SERGEF: variants seen among roughly 807,000 people sequenced by gnomAD.
SERGEF encodes secretion-regulating guanine nucleotide exchange factor.
In SERGEF, 51 loss-of-function variants were observed where a neutral mutation model predicts 50.0. The ratio of observed to expected loss-of-function variants is 1.02; its 90% confidence interval spans 0.81 to 1.29. The LOEUF (loss-of-function observed/expected upper bound fraction) is 1.29. Among genes scored for constraint, SERGEF ranks in the 50% most tolerant of loss-of-function variants. The probability of loss-of-function intolerance (pLI) is 0.00; values close to 1 mark genes in which losing one functional copy is unlikely to be tolerated. For missense variants in SERGEF, 521 were observed against 557.0 expected (o/e 0.94, Z 0.65); for synonymous variants, 205 against 212.4 (o/e 0.97, Z 0.30).
intron 10 of SERGEF, among the ~76,000 whole-genome samples, chr11:17,863,986 G>T (rs1453051639): frequency 2.0e-5 from 3 of 152,196 alleles, no homozygotes; most frequent in Non-Finnish European, 4.4e-5. Flanking sequence ...TTTCCCAGAT[G>T]GGGATTCTAG....
rs756981597 is a variant in SERGEF, at chr11:17,802,034, C to G, written c.1049-13621G>C. On this transcript the variant is annotated intron_variant, in intron 10 of 10. Transcript: ENST00000265965. ...TTTCAGATCATTATAACCACCGACC[C>G]AAGTTCTCCTACTGGTCCCATTGGA... 7.9e-5 allele frequency among the ~76,000 whole-genome samples: 12 copies of G among 152,272 alleles called. No individual in the cohort carries two copies. The East Asian group carries it at 2.3e-3, about 29-fold the overall frequency.
chr11:17,926,352 C>A (rs1432807526), intron 9 of SERGEF, among the ~76,000 whole-genome samples: 1 of 152,076 alleles, frequency 6.6e-6, no homozygotes, highest in East Asian at 1.9e-4. Flanking sequence ...TTACCCTCCA[C>A]AACCACAGAA....
intron 8 of SERGEF, 104 bp downstream of exon 8, chr11:17,988,493 A>T: frequency 2.7e-6 from 3 of 1,091,852 alleles, no homozygotes; most frequent in Non-Finnish European, 3.9e-6. Flanking sequence ...TCTGATCTTT[A>T]AGCTTTCATC....
At chr11:17,987,138 T>C (rs1853617208) in intron 8 of SERGEF, among the ~76,000 whole-genome samples, 1 of 152,232 alleles carries the variant, frequency 6.6e-6, no homozygotes, top group African/African-American at 2.4e-5. Flanking sequence ...ACCTATTTGG[T>C]TGGACACCAG....
Position 17,988,675 on chromosome 11 carries a change from T to C in SERGEF, c.766A>G (p.Lys256Glu), listed in dbSNP as rs1268594303. 1 of 1,614,064 alleles carries C rather than the reference T, an allele frequency of 6.2e-7. No homozygotes were observed. The highest frequency in any genetic ancestry group is 8.5e-7 in the Non-Finnish European group (1 of 1,180,036). Residue 256 changes from lysine to glutamate, a missense_variant, in exon 8 of 11, where the codon AAA (lysine) becomes GAA (glutamate). By Grantham distance (56) the Lys-to-Glu change is moderately conservative (BLOSUM62 1). Coordinates refer to ENST00000265965, the MANE Select transcript of SERGEF (RefSeq NM_012139.4). ...TTCTGGAAACAATGTGCTTCTATTT[T>C]CTGGGGCACAGGAAGGAAAGCAGCC... is the stretch of plus-strand genomic sequence containing the variant. ...NEAAFLPVPQ[K>E]IEAHCFQNEK...
intron 10 of SERGEF, among the ~76,000 whole-genome samples, chr11:17,791,839 A>C (rs1007978583): frequency 2.8e-4 from 42 of 152,360 alleles, no homozygotes; most frequent in African/African-American, 9.4e-4. Flanking sequence ...ATAGTACTAC[A>C]TAAATGTTTG....
At chr11:17,910,906 G>A (rs1851940045) in intron 9 of SERGEF, among the ~76,000 whole-genome samples, 2 of 152,184 alleles carry the variant, frequency 1.3e-5, no homozygotes, top group African/African-American at 4.8e-5. Context: ...TCGTGGCTCA[G>A]GTGGGTAGAC....
chr11:17,898,908 C>T (rs994367467), intron 9 of SERGEF, among the ~76,000 whole-genome samples: 5 of 151,944 alleles, frequency 3.3e-5, no homozygotes, highest in Admixed American at 2.0e-4. Context: ...TAGGCGTGGC[C>T]CTTCATGAAT....
At chr11:17,966,411 T>A (rs1374725209) in intron 8 of SERGEF, among the ~76,000 whole-genome samples, 1 of 152,220 alleles carries the variant, frequency 6.6e-6, no homozygotes, top group East Asian at 1.9e-4. Context: ...CCTTCTGCTT[T>A]AGGCACCCAG....
At chr11:17,959,053 G>A (rs535611546) in intron 9 of SERGEF, among the ~76,000 whole-genome samples, 1 of 152,212 alleles carries the variant, frequency 6.6e-6, no homozygotes, top group East Asian at 1.9e-4. Flanking sequence ...ATTTTTAGTA[G>A]AGACGGGGTT....
At chr11:17,823,014 T>C (rs1036805537) in intron 10 of SERGEF, among the ~76,000 whole-genome samples, 2 of 152,212 alleles carry the variant, frequency 1.3e-5, no homozygotes, top group African/African-American at 4.8e-5. Context: ...ATATTGTATT[T>C]AGATTTTGCT....
intron 10 of SERGEF, among the ~76,000 whole-genome samples, chr11:17,871,056 G>T (rs1407043930): frequency 6.6e-6 from 1 of 151,914 alleles, no homozygotes; most frequent in African/African-American, 2.4e-5. Context: ...AATATAAAAG[G>T]CAAAATAATA....
chr11:17,938,034 C>T (rs961388181), intron 9 of SERGEF, among the ~76,000 whole-genome samples: 2 of 152,182 alleles, frequency 1.3e-5, no homozygotes, highest in African/African-American at 2.4e-5. Flanking sequence ...CCATCACCAG[C>T]TTGGCCACTA....
At chr11:17,812,432 A>T (rs769151963) in intron 10 of SERGEF, among the ~76,000 whole-genome samples, 114 of 152,280 alleles carry the variant, frequency 7.5e-4, no homozygotes, top group Admixed American at 3.4e-3. Flanking sequence ...CATTGCATCA[A>T]ATCTGACAAG....
At chr11:17,915,225 G>A (rs1046245864) in intron 9 of SERGEF, among the ~76,000 whole-genome samples, 9 of 152,206 alleles carry the variant, frequency 5.9e-5, no homozygotes, top group South Asian at 2.1e-4. Flanking sequence ...GCCCAGGGCA[G>A]TACCTGAAAT....
Position 17,991,459 on chromosome 11 carries a change from A to T in SERGEF, c.685+1472T>A, listed in dbSNP as rs1243229958. Among the ~76,000 whole-genome samples the T allele has an allele frequency of 6.6e-6, 1 of 152,152 alleles. No homozygotes were observed. Among genetic ancestry groups the T allele is most frequent in the Non-Finnish European group, 1.5e-5 (1 of 68,038 alleles). The stretch of plus-strand genomic sequence containing the variant: ...TAGTCTACTTTTATTCTCAGAAAAG[A>T]ATGCCTTCTCCATCCCTCATTGACT... On this transcript the variant is annotated intron_variant, in intron 7 of 10. Transcript: ENST00000265965. This position sits in a 1 kb window ranked among gnomAD's most constrained non-coding sequence, Gnocchi z 4.9.
At chr11:17,856,548 C>T (rs1850822137) in intron 10 of SERGEF, 1 of 152,150 alleles carries the variant, frequency 6.6e-6, no homozygotes, top group Non-Finnish European at 1.5e-5. Context: ...GAGAATATTG[C>T]TAATTATGAA....
chr11:17,978,069 G>A (rs1368574744), intron 8 of SERGEF, among the ~76,000 whole-genome samples: 1 of 152,148 alleles, frequency 6.6e-6, no homozygotes. Flanking sequence ...TGTCTGCTTT[G>A]CTTTCTAACT....
chr11:17,909,877 G>A (rs1851916830), intron 9 of SERGEF, among the ~76,000 whole-genome samples: 1 of 152,202 alleles, frequency 6.6e-6, no homozygotes, highest in Non-Finnish European at 1.5e-5. Flanking sequence ...GGAAAGCAGA[G>A]GACCAGGCTA....
Sources: gnomAD v4.1 joint callset for allele counts (sites outside exome capture counted in the v4.1 genomes callset) on GRCh38, gnomAD v4.1.1 for gene constraint, Gnocchi (gnomAD v3.1) non-coding constraint, MANE v1.5 for transcripts, NCBI Gene and HGNC (gene_info 2026-07-23, HGNC 2026-07-21) for gene names.